Variants in CACNA2D3 observed in about 807,000 individuals in gnomAD.
The protein encoded by CACNA2D3 is voltage-dependent calcium channel subunit alpha-2/delta-3.
In CACNA2D3, 60 loss-of-function variants were observed where a neutral mutation model predicts 160.6. The observed-to-expected ratio is 0.37, with a 90% CI of 0.30 to 0.46. The LOEUF is 0.46. CACNA2D3 is among the 20% of genes least tolerant of loss of function. The pLI is 1.00. For missense variants in CACNA2D3, 1,205 were observed against 1,365.0 expected (o/e 0.88, Z 1.85); for synonymous variants, 558 against 492.9 (o/e 1.13, Z -1.75).
At chr3:54,701,562 G>C (rs1044796776) in intron 11 of CACNA2D3, among the ~76,000 whole-genome samples, 1 of 152,088 alleles carries the variant, frequency 6.6e-6, no homozygotes, top group Non-Finnish European at 1.5e-5. Context: ...TCTACAACAC[G>C]AATTACAAAA....
At chr3:54,818,113 T>G (rs1302415162) in intron 14 of CACNA2D3, among the ~76,000 whole-genome samples, 1 of 152,224 alleles carries the variant, frequency 6.6e-6, no homozygotes, top group African/African-American at 2.4e-5. Context: ...TCATCAAATT[T>G]CCACTGATCC....
rs186434857 is a variant in CACNA2D3, at chr3:54,349,749, T to A, written c.321+29191T>A. ...TGATAGCAGGCCCATCTTGGCTTTCTCAGGGGATGTAGTGCGCATCTGTTC... is the reference window on the plus strand; with the variant it reads ...TGATAGCAGGCCCATCTTGGCTTTCACAGGGGATGTAGTGCGCATCTGTTC... On this transcript the variant is annotated intron_variant, in intron 3 of 37. Transcript: ENST00000474759. 9.2e-3 allele frequency among the ~76,000 whole-genome samples: 1,408 copies of A among 152,324 alleles called. 27 individuals are homozygous for A. Among genetic ancestry groups the A allele is most frequent in the African/African-American group, 0.032 (1,336 of 41,566 alleles).
chr3:54,172,222 A>G (rs919578249), intron 2 of CACNA2D3, among the ~76,000 whole-genome samples: 1 of 152,130 alleles, frequency 6.6e-6, no homozygotes, highest in Non-Finnish European at 1.5e-5. Context: ...GTAAATCCAC[A>G]TTGAAAGGTG....
intron 4 of CACNA2D3, among the ~76,000 whole-genome samples, chr3:54,407,115 C>T (rs1046239051): frequency 1.3e-5 from 2 of 152,064 alleles, no homozygotes; most frequent in Non-Finnish European, 2.9e-5. Flanking sequence ...TGACTATTCT[C>T]ACTGGGGGTT....
At chr3:54,215,472 C>T (rs920322697) in intron 2 of CACNA2D3, among the ~76,000 whole-genome samples, 6 of 152,178 alleles carry the variant, frequency 3.9e-5, no homozygotes, top group South Asian at 4.1e-4. Flanking sequence ...CTTTTGACTG[C>T]GTATCAGTCC....
intron 11 of CACNA2D3, among the ~76,000 whole-genome samples, chr3:54,727,124 G>A (rs1341383856): frequency 6.6e-6 from 1 of 152,178 alleles, no homozygotes; most frequent in East Asian, 1.9e-4. Context: ...CTCAAAAGAA[G>A]ACATTTATGC....
chr3:54,362,437 T>A (rs886721405), intron 3 of CACNA2D3, among the ~76,000 whole-genome samples: 1 of 152,204 alleles, frequency 6.6e-6, no homozygotes, highest in East Asian at 1.9e-4. Flanking sequence ...TTTCTGCTTA[T>A]ATAACATCTT....
intron 2 of CACNA2D3, among the ~76,000 whole-genome samples, chr3:54,319,829 C>T (rs1474675880): frequency 6.6e-6 from 1 of 151,894 alleles, no homozygotes; most frequent in African/African-American, 2.4e-5. Context: ...TGGAAAATAA[C>T]AATACTTTCC....
At chr3:54,486,489 T>C (rs1173731633) in intron 4 of CACNA2D3, among the ~76,000 whole-genome samples, 1 of 152,192 alleles carries the variant, frequency 6.6e-6, no homozygotes, top group African/African-American at 2.4e-5. Context: ...AGGGAATGTA[T>C]TGACTCACTA....
At chr3:54,294,110 G>T (rs781332489) in intron 2 of CACNA2D3, among the ~76,000 whole-genome samples, 12 of 152,180 alleles carry the variant, frequency 7.9e-5, no homozygotes, top group Non-Finnish European at 1.5e-4. Context: ...CTGGGATTTT[G>T]TACTTTCTAG....
intron 8 of CACNA2D3, among the ~76,000 whole-genome samples, chr3:54,573,688 A>G (rs1702535370): frequency 6.6e-6 from 1 of 152,216 alleles, no homozygotes; most frequent in South Asian, 2.1e-4. Flanking sequence ...GGGTATACAC[A>G]CAGGCACCTA....
At chr3:54,728,318 T>C (rs1701316185) in intron 11 of CACNA2D3, among the ~76,000 whole-genome samples, 1 of 152,172 alleles carries the variant, frequency 6.6e-6, no homozygotes, top group Non-Finnish European at 1.5e-5. Flanking sequence ...TACTGACTTC[T>C]CCAGTTCATT....
intron 27 of CACNA2D3, among the ~76,000 whole-genome samples, chr3:54,921,294 T>C (rs1700842452): frequency 6.6e-6 from 1 of 152,162 alleles, no homozygotes; most frequent in Non-Finnish European, 1.5e-5. Context: ...TGCTTGCTCA[T>C]CTGGAAAGTG....
chr3:54,590,702 C>T (rs1430686227), intron 9 of CACNA2D3, among the ~76,000 whole-genome samples: 1 of 151,834 alleles, frequency 6.6e-6, no homozygotes, highest in Non-Finnish European at 1.5e-5. Context: ...CTGTCTCCAC[C>T]TCCCAAAATG....
intron 21 of CACNA2D3, among the ~76,000 whole-genome samples, chr3:54,884,477 A>G (rs1455138257): frequency 6.6e-6 from 1 of 152,238 alleles, no homozygotes. Flanking sequence ...GTGCAGTAAG[A>G]TACTATCAGT....
At chr3:55,008,949 G>C (rs917633834) in intron 33 of CACNA2D3, among the ~76,000 whole-genome samples, 2 of 139,606 alleles carry the variant, frequency 1.4e-5, no homozygotes, top group South Asian at 4.6e-4. Flanking sequence ...AGTTCAAGTC[G>C]CAGTATTCAT....
chr3:55,004,261 T>C (rs2107137337), intron 31 of CACNA2D3, among the ~76,000 whole-genome samples: 1 of 152,266 alleles, frequency 6.6e-6, no homozygotes, highest in East Asian at 1.9e-4. Context: ...AGCCAGCTGG[T>C]TTCCTACACT....
chr3:54,153,576 G>A (rs1450066047), intron 2 of CACNA2D3, among the ~76,000 whole-genome samples: 1 of 152,184 alleles, frequency 6.6e-6, no homozygotes, highest in Non-Finnish European at 1.5e-5. Flanking sequence ...TGGATGGATA[G>A]ATGCTAAAGA....
intron 27 of CACNA2D3, among the ~76,000 whole-genome samples, chr3:54,951,459 G>A (rs1324563832): frequency 8.5e-5 from 13 of 152,228 alleles, no homozygotes; most frequent in African/African-American, 2.9e-4. Flanking sequence ...TTTGGTGTGC[G>A]GCCCGGGGGC....
Sources: gnomAD v4.1 joint callset for allele counts (sites outside exome capture counted in the v4.1 genomes callset) on GRCh38, gnomAD v4.1.1 for gene constraint, MANE v1.5 for transcripts, NCBI Gene and HGNC (gene_info 2026-07-23, HGNC 2026-07-21) for gene names.